CLASP1: variants seen among roughly 807,000 people sequenced by gnomAD.
CLASP1 encodes the protein CLIP-associating protein 1.
CLASP1 carries 38 observed loss-of-function variants against 192.3 expected under a neutral mutation model. The ratio of observed to expected loss-of-function variants is 0.20; its 90% confidence interval spans 0.15 to 0.26. CLASP1 has a LOEUF of 0.26. CLASP1 is among the 10% of genes least tolerant of loss of function. CLASP1 has a pLI of 1.00. For synonymous variants in CLASP1, 691 were observed against 712.8 expected, an observed-to-expected ratio of 0.97 and a Z score of 0.49; for missense variants, 1,433 against 1,932.5, an observed-to-expected ratio of 0.74 and a Z score of 4.85.
At chr2:121,337,943 GCC>G (rs34948157) in exon 40 of CLASP1, 36,921 of 148,076 alleles carry the variant, frequency 0.25, 6,530 homozygotes, top group African/African-American at 0.5. Flanking sequence ...ACATGAAAAA[GCC>G]CCCCCCCCCA....
chr2:121,445,041 T>C, intron 19 of CLASP1: 1 of 864,996 alleles, frequency 1.2e-6, no homozygotes, highest in Non-Finnish European at 1.7e-6. Flanking sequence ...AGCCGAATGT[T>C]ATTAGCTACT....
chr2:121,381,073 C>T (rs1031388621), intron 33 of CLASP1, among the ~76,000 whole-genome samples: 2 of 152,134 alleles, frequency 1.3e-5, no homozygotes, highest in African/African-American at 2.4e-5. Context: ...AGACAGCAGC[C>T]GTCTCCTCGC....
chr2:121,445,558 C>A, intron 19 of CLASP1: 1 of 925,238 alleles, frequency 1.1e-6, no homozygotes, highest in Non-Finnish European at 1.5e-6. Flanking sequence ...TGTCATGTGT[C>A]AACCTAGGTA....
At chr2:121,373,247 T>A (rs900512044) in intron 34 of CLASP1, among the ~76,000 whole-genome samples, 1 of 152,200 alleles carries the variant, frequency 6.6e-6, no homozygotes, top group Admixed American at 6.5e-5. Flanking sequence ...CTTGCCACCA[T>A]GTGAAGACAT....
chr2:121,534,129 A>T (rs1338625628), intron 2 of CLASP1, among the ~76,000 whole-genome samples: 1 of 152,238 alleles, frequency 6.6e-6, no homozygotes. Context: ...AGCCTGCAAC[A>T]ACTGGTTCAC....
intron 2 of CLASP1, among the ~76,000 whole-genome samples, chr2:121,553,538 T>A (rs2058240368): frequency 6.6e-6 from 1 of 150,494 alleles, no homozygotes; most frequent in Non-Finnish European, 1.5e-5. Flanking sequence ...CTGTCTCCAC[T>A]AAAATACAAA....
intron 2 of CLASP1, among the ~76,000 whole-genome samples, chr2:121,553,518 A>G (rs1295472560): frequency 0.014 from 2 of 146 alleles, no homozygotes; most frequent in Admixed American, 0.12. Context: ...CCTGGCCAAC[A>G]TGGTGAAACC....
intron 2 of CLASP1, among the ~76,000 whole-genome samples, chr2:121,568,065 T>C (rs370307603): frequency 6.6e-6 from 1 of 152,240 alleles, no homozygotes; most frequent in African/African-American, 2.4e-5. Context: ...GAGTATCCAG[T>C]TTCTAACATG....
chr2:121,474,654 T>A (rs558353035), intron 8 of CLASP1, among the ~76,000 whole-genome samples: 1 of 152,098 alleles, frequency 6.6e-6, no homozygotes, highest in Non-Finnish European at 1.5e-5. Context: ...GAGAATGGCG[T>A]GAACCCAAGA....
chr2:121,628,143 T>C (rs1243549770), intron 1 of CLASP1, among the ~76,000 whole-genome samples: 2 of 152,206 alleles, frequency 1.3e-5, no homozygotes, highest in Non-Finnish European at 2.9e-5. Flanking sequence ...TAGTTATGTT[T>C]TATGGATTTA....
At chr2:121,501,600 T>C (rs1369791140) in intron 8 of CLASP1, among the ~76,000 whole-genome samples, 7 of 152,196 alleles carry the variant, frequency 4.6e-5, no homozygotes, top group Non-Finnish European at 1.0e-4. Context: ...TCTTACAATC[T>C]ATGAAAAAGA....
intron 8 of CLASP1, among the ~76,000 whole-genome samples, chr2:121,497,440 T>G (rs2093578029): frequency 6.6e-6 from 1 of 152,148 alleles, no homozygotes; most frequent in African/African-American, 2.4e-5. Context: ...CAAGAGGAAA[T>G]GTCAGACAGG....
At chr2:121,476,681 C>T (rs1324811100) in intron 8 of CLASP1, among the ~76,000 whole-genome samples, 1 of 152,158 alleles carries the variant, frequency 6.6e-6, no homozygotes, top group Non-Finnish European at 1.5e-5. Flanking sequence ...GCCTCATTTT[C>T]TAAAGAAAAG....
chr2:121,345,918 A>G (rs991371302), intron 39 of CLASP1, among the ~76,000 whole-genome samples: 5 of 152,178 alleles, frequency 3.3e-5, no homozygotes, highest in African/African-American at 1.2e-4. Flanking sequence ...TTCCTACCAC[A>G]CACAGGGCAG....
intron 19 of CLASP1, chr2:121,445,549 G>C: frequency 9.7e-7 from 1 of 1,025,794 alleles, no homozygotes; most frequent in Non-Finnish European, 1.3e-6. Context: ...TTGCAAAGAT[G>C]TCATGTGTCA....
intron 1 of CLASP1, among the ~76,000 whole-genome samples, chr2:121,632,630 C>T (rs902195156): frequency 6.6e-6 from 1 of 152,092 alleles, no homozygotes; most frequent in Non-Finnish European, 1.5e-5. Flanking sequence ...GACGCGGTGG[C>T]TCATGCCTGT....
At chr2:121,627,101 G>A (rs1044093226) in intron 1 of CLASP1, among the ~76,000 whole-genome samples, 1 of 152,064 alleles carries the variant, frequency 6.6e-6, no homozygotes, top group Admixed American at 6.6e-5. Context: ...CCAAAAGCAT[G>A]ATCAAAAATA....
At chr2:121,377,404 G>T in intron 34 of CLASP1, 95 bp downstream of exon 35, 1 of 850,998 alleles carries the variant, frequency 1.2e-6, no homozygotes, top group Non-Finnish European at 1.8e-6. Flanking sequence ...TAAAAATAAT[G>T]ATGAAGCTCA....
At chr2:121,404,827 C>A (rs1426240521) in intron 25 of CLASP1, among the ~76,000 whole-genome samples, 1 of 152,140 alleles carries the variant, frequency 6.6e-6, no homozygotes, top group Non-Finnish European at 1.5e-5. Context: ...AGCCATGCAC[C>A]AAATCTTTTT....
Sources: gnomAD v4.1 joint callset for allele counts (sites outside exome capture counted in the v4.1 genomes callset) on GRCh38, gnomAD v4.1.1 for gene constraint, MANE v1.5 for transcripts, NCBI Gene and HGNC (gene_info 2026-07-23, HGNC 2026-07-21) for gene names.